The following BTBD7 variants were observed in gnomAD, a reference collection of about 807,000 sequenced individuals.
BTBD7 encodes BTB domain containing 7, also known as BTB/POZ domain-containing protein 7.
A neutral mutation model predicts 99.9 loss-of-function variants in BTBD7; 38 were observed. The observed-to-expected ratio is 0.38, with a 90% CI of 0.29 to 0.50. The LOEUF (loss-of-function observed/expected upper bound fraction) is 0.50. Ranked by LOEUF, BTBD7 falls within the 20% of genes least tolerant of loss-of-function variation. The pLI, the probability that BTBD7 is intolerant of heterozygous loss-of-function variation, is 0.93. For synonymous variants in BTBD7, 520 were observed against 511.4 expected (o/e 1.02, Z -0.23); for missense variants, 1,170 against 1,394.6 (o/e 0.84, Z 2.57).
intron 1 of BTBD7, among the ~76,000 whole-genome samples, chr14:93,306,533 A>G (rs1477868439): frequency 6.6e-6 from 1 of 152,106 alleles, no homozygotes; most frequent in Admixed American, 6.6e-5. Flanking sequence ...TACTATTAAT[A>G]ATATCTAATT....
intron 3 of BTBD7, among the ~76,000 whole-genome samples, chr14:93,286,027 A>T: frequency 1.3e-5 from 2 of 152,148 alleles, no homozygotes; most frequent in African/African-American, 4.8e-5. Flanking sequence ...GTTGCCTGGG[A>T]CCCTGGCCAC....
intron 3 of BTBD7, among the ~76,000 whole-genome samples, chr14:93,277,238 T>A (rs1047484913): frequency 6.6e-6 from 1 of 152,174 alleles, no homozygotes; most frequent in Non-Finnish European, 1.5e-5. Flanking sequence ...ATTGACTAGA[T>A]TGATATTTCT....
At position 93,242,361 on chromosome 14, in the gene BTBD7, T is replaced by G. The variant is rs779210366; in HGVS notation, c.3311A>C (p.Asn1104Thr). 1.2e-5 allele frequency: 19 copies of G among 1,614,092 alleles called. No individual in the cohort carries two copies. Among genetic ancestry groups the G allele is most frequent in the Non-Finnish European group, 1.6e-5 (19 of 1,180,048 alleles). ...SESLGHGAQR[N>T]TDLEREDSIS... ...TGAATCTTCCCTTTCCAAATCTGTA[T>G]TTCTCTGAGCTCCATGGCCCAGGGA... Residue 1104 changes from asparagine to threonine, a missense_variant, in exon 11 of 11, where the codon AAT (asparagine) becomes ACT (threonine). By Grantham distance (65) the Asn-to-Thr change is moderately conservative. This residue lies in a region of BTBD7 where 495 missense variants were observed against 525.9 expected (regional missense o/e 0.94). Transcript: ENST00000334746.
chr14:93,294,889 T>C lies in BTBD7; in HGVS notation c.131A>G (p.Tyr44Cys), dbSNP rs2052906423. The C allele has an allele frequency of 6.2e-7, 1 of 1,608,168 alleles. No individual in the cohort carries two copies. The highest frequency in any genetic ancestry group is 8.5e-7 in the Non-Finnish European group (1 of 1,178,654). Residue 44 changes from tyrosine to cysteine, a missense_variant, in exon 3 of 11, where the codon TAT becomes TGT. Around this residue, in one of 4 missense-constraint regions of BTBD7, gnomAD observed 359 missense variants for 497.9 expected, o/e 0.72. Transcript: ENST00000334746. ...QQGYGCESKLYSLDHGHEKPQ... is the reference protein window; with the variant it reads ...QQGYGCESKLCSLDHGHEKPQ... The stretch of plus-strand genomic sequence containing the variant: ...TTTCTCATGGCCATGGTCAAGGCTA[T>C]ACAACTTTGATTCGCAACCATAGCC...
At chr14:93,271,902 A>G (rs2052605087) in intron 3 of BTBD7, among the ~76,000 whole-genome samples, 1 of 152,180 alleles carries the variant, frequency 6.6e-6, no homozygotes, top group Non-Finnish European at 1.5e-5. Flanking sequence ...AGCACTCAGG[A>G]GGCTGACGTG....
rs989556596 is a variant in BTBD7 at position 93,276,172 on chromosome 14, T to C, written c.1163-12179A>G. On this transcript the variant is annotated intron_variant, in intron 3 of 10. Coordinates refer to ENST00000334746, the MANE Select transcript of BTBD7 (RefSeq NM_001002860.4). ...TCAAGGTTGCAGTGAGCTGTGATCATGCCACTGCAGCACTCCAGCCTGGGC... is the reference window on the plus strand; with the variant it reads ...TCAAGGTTGCAGTGAGCTGTGATCACGCCACTGCAGCACTCCAGCCTGGGC... 3.9e-5 allele frequency among the ~76,000 whole-genome samples: 6 copies of C among 152,326 alleles called. No individual in the cohort carries two copies. In the East Asian group the frequency reaches 7.7e-4, roughly 20 times the overall value.
chr14:93,238,160 C>G lies in BTBD7; in HGVS notation c.*4113G>C, dbSNP rs1362569444. ...ACACACAAATACAAGAGGTTATTTT[C>G]AAGACACACACTTGCAAGTAATCTT... On this transcript the variant is annotated 3_prime_UTR_variant, in exon 11 of 11. Transcript: ENST00000334746. 1 of 152,534 alleles carries G rather than the reference C, an allele frequency of 6.6e-6. No homozygotes were observed. The highest frequency in any genetic ancestry group is 1.5e-5 in the Non-Finnish European group (1 of 68,046). 9.4% of individuals were successfully genotyped at this position (152,534 alleles called of 1,614,324 possible).
intron 3 of BTBD7, 118 bp from the exon 4 acceptor site, chr14:93,264,111 T>A: frequency 1.2e-6 from 1 of 861,172 alleles, no homozygotes; most frequent in Admixed American, 2.7e-5. Flanking sequence ...AGGAGATAAA[T>A]AAAATCTCAT....
chr14:93,242,517 G>C lies in BTBD7; in HGVS notation c.3155C>G (p.Ala1052Gly), dbSNP rs1279905948. ...TACTGCAGTTCGTCCCCTGACATGG[G>C]CTGGACCGGTACTAGCATTTTCTGG... Reference protein sequence around the residue: ...AAPENASTGPAHVRGRTAVET... With the variant: ...AAPENASTGPGHVRGRTAVET... The change falls in exon 11 of 11, where the codon GCC becomes GGC. Residue 1052 changes from alanine (A) to glycine (G), a missense_variant. Ala to Gly is a moderately conservative substitution (Grantham distance 60). This residue lies in a region of BTBD7 where 495 missense variants were observed against 525.9 expected (regional missense o/e 0.94). Transcript: ENST00000334746. 6.2e-7 allele frequency: 1 copy of C among 1,614,222 alleles called. No homozygotes were observed. The highest frequency in any genetic ancestry group is 8.5e-7 in the Non-Finnish European group (1 of 1,180,044).
chr14:93,240,362 T>C lies in BTBD7; in HGVS notation c.*1911A>G, dbSNP rs1408383012. 9 of 152,652 alleles carry C rather than the reference T, an allele frequency of 5.9e-5. No homozygotes were observed. 9.5% of individuals were successfully genotyped at this position (152,652 alleles called of 1,614,324 possible). On this transcript the variant is annotated 3_prime_UTR_variant, in exon 11 of 11. Transcript: ENST00000334746. ...AAATGTCAGATTATTCCTGAGTGTA[T>C]ATCCACAGGGTAAAGGAGGAAAAGA...
At chr14:93,312,301 G>A (rs1363369604) in intron 1 of BTBD7, among the ~76,000 whole-genome samples, 2 of 152,122 alleles carry the variant, frequency 1.3e-5, no homozygotes, top group Non-Finnish European at 2.9e-5. Flanking sequence ...CTCAGTCTTA[G>A]TTCTACCAAT....
intron 8 of BTBD7, among the ~76,000 whole-genome samples, chr14:93,250,416 T>C (rs747871793): frequency 6.6e-6 from 1 of 152,202 alleles, no homozygotes; most frequent in Non-Finnish European, 1.5e-5. Flanking sequence ...TTTCATGCTG[T>C]TAACTAATGT....
At chr14:93,298,649 T>C (rs919663208) in intron 1 of BTBD7, among the ~76,000 whole-genome samples, 1 of 152,134 alleles carries the variant, frequency 6.6e-6, no homozygotes, top group Non-Finnish European at 1.5e-5. Flanking sequence ...TCAACGTGTA[T>C]TACAATGGTT....
chr14:93,261,474 G>A lies in BTBD7; in HGVS notation c.1447+128C>T. On this transcript the variant is annotated intron_variant, in intron 5 of 10. Transcript: ENST00000334746. ...CTGTCCACTAAAGGATTTTGCTGGT[G>A]GTAAAAACTTCCATTTTCACCAGGC... is the stretch of plus-strand genomic sequence containing the variant. 3 of 750,900 alleles carry A rather than the reference G, an allele frequency of 4.0e-6. No individual in the cohort carries two copies. The South Asian group carries it at 4.6e-5, about 11-fold the overall frequency. 46.5% of individuals were successfully genotyped at this position (750,900 alleles called of 1,614,324 possible).
At chr14:93,267,726 C>A (rs529897765) in intron 3 of BTBD7, among the ~76,000 whole-genome samples, 2 of 152,298 alleles carry the variant, frequency 1.3e-5, no homozygotes, top group East Asian at 3.9e-4. Context: ...GGTTCTTCTC[C>A]GGATGCCCAT....
At chr14:93,309,779 A>G (rs1339406082) in intron 1 of BTBD7, among the ~76,000 whole-genome samples, 1 of 152,242 alleles carries the variant, frequency 6.6e-6, no homozygotes, top group Non-Finnish European at 1.5e-5. Context: ...AACACAGAGG[A>G]CAATTAAATG....
rs1203872622 is a variant in BTBD7, at chr14:93,287,247, C to T, written c.1162+6611G>A. 2.8e-5 allele frequency among the ~76,000 whole-genome samples: 4 copies of T among 141,188 alleles called. No individual in the cohort carries two copies. The East Asian group carries it at 8.4e-4, about 30-fold the overall frequency. 92.6% of individuals were successfully genotyped at this position (141,188 alleles called of 152,430 possible). A position where few individuals can be genotyped will look rare whatever the true frequency, so the allele number is the denominator to read the frequency against. ...CTGTCTCAAAAAAAAAAAAAGTTAA[C>T]CTTGTAATCAAAGTAGTATATGCTC... On this transcript the variant is annotated intron_variant, in intron 3 of 10. Transcript: ENST00000334746.
rs1377013641 is a variant in BTBD7, at chr14:93,238,555, G to A, written c.*3718C>T. Reference sequence around the variant, plus strand: ...AACCGAACAATGAAAAAAAGTCAAAGAAGCATTTCCCTTTGAATTCAGTCC... The same window carrying A: ...AACCGAACAATGAAAAAAAGTCAAAAAAGCATTTCCCTTTGAATTCAGTCC... On this transcript the variant is annotated 3_prime_UTR_variant, in exon 11 of 11. Coordinates refer to ENST00000334746, the MANE Select transcript of BTBD7 (RefSeq NM_001002860.4). The A allele has an allele frequency of 6.6e-6, 1 of 152,466 alleles. No homozygotes were observed. The highest frequency in any genetic ancestry group is 2.1e-4 in the South Asian group (1 of 4,836). 9.4% of individuals were successfully genotyped at this position (152,466 alleles called of 1,614,324 possible). A position where few individuals can be genotyped will look rare whatever the true frequency, so the allele number is the denominator to read the frequency against.
intron 10 of BTBD7, 112 bp from the exon 11 acceptor site, chr14:93,243,200 GT>G (rs1215374697): frequency 6.1e-3 from 4,990 of 818,712 alleles, no homozygotes; most frequent in Middle Eastern, 9.1e-3. Flanking sequence ...TTCTGTTTTT[GT>G]TTTTTTTTTT....
Sources: gnomAD v4.1 joint callset for allele counts (sites outside exome capture counted in the v4.1 genomes callset) on GRCh38, gnomAD v4.1.1 for gene constraint, gnomAD v4.1.1 regional missense constraint, MANE v1.5 for transcripts, NCBI Gene and HGNC (gene_info 2026-07-23, HGNC 2026-07-21) for gene names.